The following TTC39B variants were observed in gnomAD, a reference collection of about 807,000 sequenced individuals.
The protein encoded by TTC39B is tetratricopeptide repeat domain 39B, also known as tetratricopeptide repeat protein 39B.
A neutral mutation model predicts 96.6 loss-of-function variants in TTC39B; 92 were observed. That is an observed-to-expected ratio of 0.95 (90% confidence interval 0.80 to 1.13). The LOEUF (loss-of-function observed/expected upper bound fraction) is 1.13, where lower values mean the gene tolerates loss of function less well. Ranked by LOEUF, TTC39B falls within the 50% of genes most tolerant of loss-of-function variation. The pLI is 0.00. For synonymous variants in TTC39B, 367 were observed against 299.4 expected (o/e 1.23, Z -2.33); for missense variants, 955 against 809.3 (o/e 1.18, Z -2.18).
chr9:15,282,317 G>A (rs1823797008), intron 1 of TTC39B, among the ~76,000 whole-genome samples: 1 of 152,058 alleles, frequency 6.6e-6, no homozygotes, highest in Non-Finnish European at 1.5e-5. Context: ...CTGACACTCT[G>A]GTAAAACAAA....
At chr9:15,164,661 C>A (rs948947168) in exon 20 of TTC39B, 3 of 151,860 alleles carry the variant, frequency 2.0e-5, no homozygotes, top group African/African-American at 7.3e-5. Flanking sequence ...CTGTGAACAT[C>A]TGCAAATCAA....
At chr9:15,219,346 G>T (rs1239581998) in intron 3 of TTC39B, among the ~76,000 whole-genome samples, 1 of 152,106 alleles carries the variant, frequency 6.6e-6, no homozygotes, top group Non-Finnish European at 1.5e-5. Context: ...CCCCTGCTAA[G>T]AACCACATAT....
chr9:15,180,741 T>G (rs1035201975), intron 17 of TTC39B, among the ~76,000 whole-genome samples: 1 of 152,188 alleles, frequency 6.6e-6, no homozygotes, highest in Non-Finnish European at 1.5e-5. Flanking sequence ...GATAGGAGCT[T>G]AATTACTAAA....
intron 8 of TTC39B, among the ~76,000 whole-genome samples, chr9:15,195,880 T>C (rs569729429): frequency 1.3e-5 from 2 of 152,252 alleles, no homozygotes; most frequent in Non-Finnish European, 1.5e-5. Context: ...AACGCCTGGC[T>C]TCAAAACTTC....
chr9:15,207,522 G>C (rs958513438), intron 6 of TTC39B, among the ~76,000 whole-genome samples: 4 of 152,148 alleles, frequency 2.6e-5, no homozygotes, highest in Admixed American at 1.3e-4. Context: ...AAGAGTTGTG[G>C]CTTAGGGAAA....
At chr9:15,174,950 CTGT>C in intron 19 of TTC39B, 66 bp downstream of exon 19, 1 of 931,024 alleles carries the variant, frequency 1.1e-6, no homozygotes, top group Non-Finnish European at 1.8e-6. Flanking sequence ...AATGTTACTG[CTGT>C]TGTTAGAGCA....
intron 16 of TTC39B, among the ~76,000 whole-genome samples, 175 bp from the exon 17 acceptor site, chr9:15,182,590 A>ATC (rs1196659925): frequency 1.3e-5 from 2 of 152,194 alleles, no homozygotes; most frequent in Non-Finnish European, 2.9e-5. Flanking sequence ...CAGTATATAT[A>ATC]TTTTTACCAA....
intron 2 of TTC39B, among the ~76,000 whole-genome samples, chr9:15,251,821 G>A (rs1490000771): frequency 1.3e-5 from 2 of 149,520 alleles, no homozygotes. Flanking sequence ...GAATTGTTAT[G>A]ATTATTTACC....
At chr9:15,217,160 G>C (rs1430611592) in intron 3 of TTC39B, among the ~76,000 whole-genome samples, 1 of 152,164 alleles carries the variant, frequency 6.6e-6, no homozygotes. Context: ...GTGGCAGAGA[G>C]GATGTATTTT....
chr9:15,280,660 C>CCAAG (rs1823727823), intron 1 of TTC39B, among the ~76,000 whole-genome samples: 1 of 152,098 alleles, frequency 6.6e-6, no homozygotes, highest in South Asian at 2.1e-4. Flanking sequence ...GCCTCCTGGC[C>CCAAG]CTTGGTATGG....
intron 1 of TTC39B, among the ~76,000 whole-genome samples, chr9:15,301,371 G>T (rs944820519): frequency 6.6e-6 from 1 of 152,226 alleles, no homozygotes; most frequent in Non-Finnish European, 1.5e-5. Flanking sequence ...TGCTCCTCAA[G>T]GGTAATAACT....
intron 19 of TTC39B, among the ~76,000 whole-genome samples, chr9:15,173,790 T>G (rs1311498814): frequency 2.0e-5 from 3 of 152,174 alleles, no homozygotes; most frequent in Non-Finnish European, 4.4e-5. Context: ...AACTTCATGC[T>G]AAGTATGAAC....
At chr9:15,243,663 G>A (rs1210762498) in intron 2 of TTC39B, among the ~76,000 whole-genome samples, 3 of 152,158 alleles carry the variant, frequency 2.0e-5, no homozygotes, top group Non-Finnish European at 4.4e-5. Context: ...TAATCCCAGT[G>A]TTTTGGGAGG....
chr9:15,213,712 C>A (rs1820337818), intron 4 of TTC39B, among the ~76,000 whole-genome samples: 1 of 152,230 alleles, frequency 6.6e-6, no homozygotes, highest in East Asian at 1.9e-4. Context: ...GTTTTTCGAA[C>A]AAATAGAGAA....
intron 1 of TTC39B, among the ~76,000 whole-genome samples, chr9:15,281,722 G>A (rs966586530): frequency 4.1e-5 from 6 of 146,792 alleles, no homozygotes; most frequent in East Asian, 2.0e-4. Context: ...TGTCACTCAC[G>A]CTGGAGTGCA....
chr9:15,267,607 A>G (rs1243386975), intron 2 of TTC39B, among the ~76,000 whole-genome samples: 1 of 152,234 alleles, frequency 6.6e-6, no homozygotes, highest in Non-Finnish European at 1.5e-5. Context: ...ACCAAACACA[A>G]AAATCTACAA....
chr9:15,234,509 ACCAC>A (rs1821670231), intron 2 of TTC39B, among the ~76,000 whole-genome samples: 1 of 141,142 alleles, frequency 7.1e-6, no homozygotes, highest in African/African-American at 2.6e-5. Flanking sequence ...CTGCCTGGCC[ACCAC>A]CCCGTCTGGG....
intron 2 of TTC39B, among the ~76,000 whole-genome samples, chr9:15,237,253 T>A (rs1821826174): frequency 6.6e-6 from 1 of 152,134 alleles, no homozygotes; most frequent in Non-Finnish European, 1.5e-5. Flanking sequence ...AGGCGGAGGT[T>A]GCAGTGAGCC....
At chr9:15,198,694 G>C (rs1004895722) in intron 8 of TTC39B, among the ~76,000 whole-genome samples, 9 of 151,894 alleles carry the variant, frequency 5.9e-5, no homozygotes, top group East Asian at 5.8e-4. Context: ...CAGGAAAAAA[G>C]GGGGAGAGAA....
Sources: allele counts gnomAD v4.1 joint callset (sites outside exome capture counted in the v4.1 genomes callset), GRCh38; gene constraint gnomAD v4.1.1; transcripts MANE v1.5; gene names NCBI Gene and HGNC (gene_info 2026-07-23, HGNC 2026-07-21).